VTI1A: variants seen among roughly 807,000 people sequenced by gnomAD.
VTI1A encodes the protein vesicle transport through interaction with t-SNAREs homolog 1A.
In VTI1A, 22 loss-of-function variants were observed where a neutral mutation model predicts 34.9. The observed-to-expected ratio is 0.63, with a 90% CI of 0.45 to 0.90. The LOEUF (loss-of-function observed/expected upper bound fraction) is 0.90. Ranked by LOEUF, VTI1A falls within the 40% of genes least tolerant of loss-of-function variation. The pLI is 0.00. For synonymous variants in VTI1A, 87 were observed against 97.3 expected, an observed-to-expected ratio of 0.89 and a Z score of 0.62; for missense variants, 268 against 275.6, an observed-to-expected ratio of 0.97 and a Z score of 0.20.
At chr10:112,855,314 G>A in the VTI1A span, among the ~76,000 whole-genome samples, 1 of 152,004 alleles carries the variant, frequency 6.6e-6, no homozygotes, top group East Asian at 1.9e-4. Flanking sequence ...GCTTCTTCCC[G>A]CCAGTCCAGA....
At chr10:112,527,256 T>A in intron 4 of VTI1A, 92 bp downstream of exon 4, 1 of 1,044,400 alleles carries the variant, frequency 9.6e-7, no homozygotes, top group Non-Finnish European at 1.5e-6. Context: ...TTAACGGTAT[T>A]AGCAGCAACT....
chr10:112,563,950 T>C (rs1851815954), intron 5 of VTI1A, among the ~76,000 whole-genome samples: 1 of 152,158 alleles, frequency 6.6e-6, no homozygotes, highest in African/African-American at 2.4e-5. Flanking sequence ...ATATTTTAGC[T>C]TTGTAAATTG....
At chr10:112,758,659 T>C (rs1002821016) in intron 7 of VTI1A, among the ~76,000 whole-genome samples, 1 of 152,214 alleles carries the variant, frequency 6.6e-6, no homozygotes, top group African/African-American at 2.4e-5. Flanking sequence ...ATTCACCACT[T>C]TGTGGCCTTG....
At chr10:112,542,546 C>T (rs960442683) in intron 5 of VTI1A, among the ~76,000 whole-genome samples, 2 of 152,172 alleles carry the variant, frequency 1.3e-5, no homozygotes, top group African/African-American at 2.4e-5. Flanking sequence ...ATTCTGTGAG[C>T]CTTCCTGCCA....
At chr10:112,660,185 C>T (rs895058153) in intron 5 of VTI1A, among the ~76,000 whole-genome samples, 6 of 152,180 alleles carry the variant, frequency 3.9e-5, no homozygotes, top group Non-Finnish European at 7.3e-5. Context: ...ACTGCAACCT[C>T]TGCCTCCCAG....
At chr10:112,660,857 T>G (rs188023161) in intron 5 of VTI1A, among the ~76,000 whole-genome samples, 3 of 152,348 alleles carry the variant, frequency 2.0e-5, no homozygotes, top group African/African-American at 7.2e-5. Context: ...TACTTCTGTT[T>G]ACCTCCTCTT....
At chr10:112,507,566 C>T (rs977645090) in intron 3 of VTI1A, among the ~76,000 whole-genome samples, 4 of 152,194 alleles carry the variant, frequency 2.6e-5, no homozygotes, top group African/African-American at 9.7e-5. Context: ...CCTCCACCCT[C>T]AAACCTATAC....
intron 5 of VTI1A, among the ~76,000 whole-genome samples, chr10:112,603,841 A>G (rs1844973681): frequency 6.6e-6 from 1 of 152,020 alleles, no homozygotes; most frequent in African/African-American, 2.4e-5. Flanking sequence ...GGTTACCTGT[A>G]AAGGAGAAGA....
Position 112,817,802 on chromosome 10 carries a change from G to A in VTI1A, c.*2419G>A, listed in dbSNP as rs545418066. 1.8e-4 allele frequency: 41 copies of A among 232,116 alleles called. No individual in the cohort carries two copies. In the South Asian group the frequency reaches 6.7e-3, roughly 38 times the overall value. 14.4% of individuals were successfully genotyped at this position (232,116 alleles called of 1,614,324 possible). A position where few individuals can be genotyped will look rare whatever the true frequency, so the allele number is the denominator to read the frequency against. ...AGGTACTTAGTGTGTAGACTTTGAC[G>A]AATATTTCTCAAGTTGGGAGCCCTT... On this transcript the variant is annotated 3_prime_UTR_variant, in exon 8 of 8. Coordinates refer to ENST00000393077, the MANE Select transcript of VTI1A (RefSeq NM_145206.4).
At chr10:112,684,730 C>G (rs758312172) in intron 7 of VTI1A, among the ~76,000 whole-genome samples, 1 of 152,108 alleles carries the variant, frequency 6.6e-6, no homozygotes, top group Non-Finnish European at 1.5e-5. Context: ...TGAGCCACCA[C>G]ACCCGGCCTG....
intron 1 of VTI1A, among the ~76,000 whole-genome samples, chr10:112,460,176 T>G (rs1847685466): frequency 6.6e-6 from 1 of 152,220 alleles, no homozygotes; most frequent in South Asian, 2.1e-4. Context: ...TTATTCCCAA[T>G]TTATTAAAGT....
Position 112,447,451 on chromosome 10 carries a change from C to A in VTI1A, c.78C>A (p.Val26=). 1.2e-6 allele frequency: 2 copies of A among 1,613,500 alleles called. No individual in the cohort carries two copies. The highest frequency in any genetic ancestry group is 1.3e-5 in the African/African-American group (1 of 75,038). Residue 26 remains valine (V), a synonymous_variant, in exon 1 of 8, where the codon GTC becomes GTA. Transcript: ENST00000393077. ...AGATCACCAGCAAGATTGCGAGGGT[C>A]CCACGACTCCCGCCTGGTGAGAGCC... ...TAEITSKIAR[V]PRLPPDEKKQ...
chr10:112,603,774 C>G (rs1474172108), intron 5 of VTI1A, among the ~76,000 whole-genome samples: 1 of 152,166 alleles, frequency 6.6e-6, no homozygotes, highest in East Asian at 1.9e-4. Flanking sequence ...CCACTCCCTC[C>G]CAATGCCTTC....
At chr10:112,604,574 G>C (rs1845001013) in intron 5 of VTI1A, among the ~76,000 whole-genome samples, 2 of 152,156 alleles carry the variant, frequency 1.3e-5, no homozygotes, top group South Asian at 4.1e-4. Context: ...CTCATAAACT[G>C]CTAATGATTT....
intron 7 of VTI1A, among the ~76,000 whole-genome samples, chr10:112,780,935 G>T (rs1383904308): frequency 6.6e-6 from 1 of 151,946 alleles, no homozygotes; most frequent in African/African-American, 2.4e-5. Flanking sequence ...TCCCACTTCA[G>T]TTTTTAACCT....
chr10:112,548,953 T>C (rs554735718), intron 5 of VTI1A: 2 of 691,876 alleles, frequency 2.9e-6, no homozygotes, highest in Admixed American at 2.5e-5. Context: ...CTCATAATTA[T>C]ATCTTTCTTT....
intron 7 of VTI1A, among the ~76,000 whole-genome samples, chr10:112,787,905 T>C (rs1852342710): frequency 6.6e-6 from 1 of 151,656 alleles, no homozygotes; most frequent in Admixed American, 6.6e-5. Context: ...TTTCACCATA[T>C]TGGCCAGGCT....
intron 3 of VTI1A, among the ~76,000 whole-genome samples, chr10:112,509,557 T>C (rs552208865): frequency 6.6e-6 from 1 of 152,234 alleles, no homozygotes; most frequent in Non-Finnish European, 1.5e-5. Flanking sequence ...TGGAAGAGTT[T>C]ACTAATGTTC....
chr10:112,614,461 C>T lies in VTI1A; in HGVS notation c.428-53757C>T, dbSNP rs7911773. On this transcript the variant is annotated intron_variant, in intron 5 of 7. Coordinates refer to ENST00000393077, the MANE Select transcript of VTI1A (RefSeq NM_145206.4). Reference sequence around the variant, plus strand: ...AAGTTTATGGGAAAAAGAAAGAGACCGCCCATGGCTTCATCATGCCTGGTG... The same window carrying T: ...AAGTTTATGGGAAAAAGAAAGAGACTGCCCATGGCTTCATCATGCCTGGTG... Among the ~76,000 whole-genome samples the T allele has an allele frequency of 7.5e-3, 1,146 of 152,196 alleles. 16 individuals are homozygous for T. Among genetic ancestry groups the T allele is most frequent in the African/African-American group, 0.026 (1,070 of 41,494 alleles).
Sources: allele counts gnomAD v4.1 joint callset (sites outside exome capture counted in the v4.1 genomes callset), GRCh38; gene constraint gnomAD v4.1.1; transcripts MANE v1.5; gene names NCBI Gene and HGNC (gene_info 2026-07-23, HGNC 2026-07-21).